LDB2: variants seen among roughly 807,000 people sequenced by gnomAD.
LDB2 encodes the protein LIM domain-binding protein 2.
A neutral mutation model predicts 44.3 loss-of-function variants in LDB2; 12 were observed. The ratio of observed to expected loss-of-function variants is 0.27; its 90% CI spans 0.17 to 0.44. LDB2 has a LOEUF of 0.44. Ranked by LOEUF, LDB2 falls within the 20% of genes least tolerant of loss-of-function variation. The pLI, the probability that LDB2 is intolerant of heterozygous loss-of-function variation, is 1.00. For synonymous variants in LDB2, 164 were observed against 174.8 expected (o/e 0.94, Z 0.49); for missense variants, 344 against 473.5 (o/e 0.73, Z 2.54).
At chr4:16,641,642 C>A (rs374096054) in intron 2 of LDB2, among the ~76,000 whole-genome samples, 4 of 152,254 alleles carry the variant, frequency 2.6e-5, no homozygotes, top group African/African-American at 9.6e-5. Flanking sequence ...AGAAGTCGCT[C>A]ATTACCACAA....
rs576598953 is a variant in LDB2 at position 16,774,736 on chromosome 4, T to C, written c.133-15476A>G. 2.0e-5 allele frequency among the ~76,000 whole-genome samples: 3 copies of C among 151,412 alleles called. No homozygotes were observed. In the East Asian group the frequency reaches 5.8e-4, roughly 29 times the overall value. ...ATAATCTGGCCTCAGAACTCTTCCC[T>C]TTGAACTCCTCTTTGTGTTTGTGTG... On this transcript the variant is annotated intron_variant, in intron 1 of 7. Transcript: ENST00000304523.
intron 1 of LDB2, among the ~76,000 whole-genome samples, chr4:16,766,510 AT>A (rs33921094): frequency 0.77 from 97,208 of 126,872 alleles, 38,100 homozygotes; most frequent in Non-Finnish European, 0.88. Context: ...GTGTGTATAT[AT>A]TTTTTTTTTT....
intron 1 of LDB2, among the ~76,000 whole-genome samples, chr4:16,861,181 G>A (rs1712419999): frequency 6.6e-6 from 1 of 152,198 alleles, no homozygotes; most frequent in African/African-American, 2.4e-5. Context: ...GATGAGGAAA[G>A]TCAAGCACAG....
intron 1 of LDB2, among the ~76,000 whole-genome samples, chr4:16,770,630 C>T (rs1770462300): frequency 6.6e-6 from 1 of 152,184 alleles, no homozygotes; most frequent in Admixed American, 6.5e-5. Context: ...AATTTGCATC[C>T]TCTCTGACTC....
intron 2 of LDB2, among the ~76,000 whole-genome samples, chr4:16,678,780 C>T (rs994462539): frequency 6.6e-6 from 1 of 152,194 alleles, no homozygotes; most frequent in Admixed American, 6.5e-5. Flanking sequence ...CAGCTCATGA[C>T]AGGGTGAGAA....
chr4:16,768,594 A>G (rs963859743), intron 1 of LDB2, among the ~76,000 whole-genome samples: 3 of 152,142 alleles, frequency 2.0e-5, no homozygotes, highest in Admixed American at 6.5e-5. Flanking sequence ...TCTGTTACCT[A>G]GAGTCCCTCT....
In LDB2 at chr4:16,804,293, C is replaced by T. The variant is rs568721675; in HGVS notation, c.133-45033G>A. Among the ~76,000 whole-genome samples the T allele has an allele frequency of 2.6e-5, 4 of 151,836 alleles. No homozygotes were observed. In the South Asian group the frequency reaches 8.3e-4, roughly 32 times the overall value. ...AGATTTTGTGTTTATATTACATATA[C>T]ACATATATATTAATACATAGAAAGG... On this transcript the variant is annotated intron_variant, in intron 1 of 7. Transcript: ENST00000304523.
intron 1 of LDB2, chr4:16,888,679 T>G (rs1203836332): frequency 2.0e-6 from 2 of 979,240 alleles, no homozygotes. Context: ...CTTACATTAT[T>G]TAATTTGCTG....
chr4:16,605,482 A>G (rs1428816151), intron 2 of LDB2, among the ~76,000 whole-genome samples: 1 of 152,064 alleles, frequency 6.6e-6, no homozygotes, highest in Non-Finnish European at 1.5e-5. Context: ...CAAAAAAACA[A>G]AAAAAACACC....
At chr4:16,715,874 CTCT>C (rs1172818095) in intron 2 of LDB2, among the ~76,000 whole-genome samples, 1 of 152,132 alleles carries the variant, frequency 6.6e-6, no homozygotes, top group African/African-American at 2.4e-5. Flanking sequence ...TTTTTATAAT[CTCT>C]TCGAGGCAGA....
intron 2 of LDB2, among the ~76,000 whole-genome samples, chr4:16,635,862 C>T (rs765288129): frequency 6.6e-6 from 1 of 152,128 alleles, no homozygotes; most frequent in Non-Finnish European, 1.5e-5. Flanking sequence ...CAGGTCAGGG[C>T]TCACGGTCTA....
intron 5 of LDB2, among the ~76,000 whole-genome samples, chr4:16,540,407 T>C (rs1733373159): frequency 6.6e-6 from 1 of 152,194 alleles, no homozygotes; most frequent in Admixed American, 6.5e-5. Flanking sequence ...GTTTATTAAA[T>C]TAAGCCAATG....
chr4:16,821,657 G>GGGATTACA (rs1782047292), intron 1 of LDB2, among the ~76,000 whole-genome samples: 1 of 145,902 alleles, frequency 6.9e-6, no homozygotes, highest in Non-Finnish European at 1.5e-5. Flanking sequence ...CCAAAGTGCT[G>GGGATTACA]GGATTACAGG....
Position 16,502,835 on chromosome 4 carries a change from A to G in LDB2, c.930T>C (p.Gly310=). 1 of 1,613,376 alleles carries G rather than the reference A, an allele frequency of 6.2e-7. No homozygotes were observed. Among genetic ancestry groups the G allele is most frequent in the Non-Finnish European group, 8.5e-7 (1 of 1,179,878 alleles). Residue 310 remains glycine, a synonymous_variant, in exon 8 of 8, where the codon GGT becomes GGC. Transcript: ENST00000304523. ...GCCTTTCGTCCTCGTCCCCAAACTC[A>G]CCTCCCATCAGAGTTGGCTCTCCTA... The part of the protein sequence containing the change: ...MVVGEPTLMG[G]EFGDEDERLI...
chr4:16,882,662 A>C lies in LDB2; in HGVS notation c.132+15692T>G, dbSNP rs549949395. On this transcript the variant is annotated intron_variant, in intron 1 of 7. Transcript: ENST00000304523. The stretch of plus-strand genomic sequence containing the variant: ...ATGTCTTGACGTATCCTTTCAGACA[A>C]ACACCTGGAAATATAATAAACTATA... 8.5e-5 allele frequency among the ~76,000 whole-genome samples: 13 copies of C among 152,334 alleles called. No individual in the cohort carries two copies. The East Asian group carries it at 2.1e-3, about 25-fold the overall frequency.
At chr4:16,576,045 A>T (rs562006383) in intron 5 of LDB2, among the ~76,000 whole-genome samples, 12 of 152,354 alleles carry the variant, frequency 7.9e-5, no homozygotes, top group South Asian at 4.1e-4. Flanking sequence ...CTTTTAAAAC[A>T]AATGATAATA....
At chr4:16,562,243 T>C (rs1267275438) in intron 5 of LDB2, among the ~76,000 whole-genome samples, 1 of 152,132 alleles carries the variant, frequency 6.6e-6, no homozygotes, top group East Asian at 1.9e-4. Context: ...CTAAAGGGCT[T>C]CTGCACAGCA....
intron 2 of LDB2, among the ~76,000 whole-genome samples, chr4:16,677,739 T>G (rs1183315642): frequency 6.6e-6 from 1 of 152,260 alleles, no homozygotes; most frequent in Non-Finnish European, 1.5e-5. Flanking sequence ...TGACAAATGC[T>G]AAGCCAGATG....
intron 5 of LDB2, among the ~76,000 whole-genome samples, chr4:16,567,665 C>A (rs973598846): frequency 1.8e-4 from 27 of 152,186 alleles, no homozygotes; most frequent in African/African-American, 6.0e-4. Context: ...AGCTACTCAG[C>A]AGGCTGAGGC....
Sources: allele counts gnomAD v4.1 joint callset (sites outside exome capture counted in the v4.1 genomes callset), GRCh38; gene constraint gnomAD v4.1.1; transcripts MANE v1.5; gene names NCBI Gene and HGNC (gene_info 2026-07-23, HGNC 2026-07-21).